Variants in LRRC4C observed in about 807,000 individuals in gnomAD.
LRRC4C encodes the protein leucine rich repeat containing 4C, also known as leucine-rich repeat-containing protein 4C.
LRRC4C carries 5 observed loss-of-function variants against 33.6 expected under a neutral mutation model. The ratio of observed to expected loss-of-function variants is 0.15; its 90% CI spans 0.08 to 0.31. The LOEUF (loss-of-function observed/expected upper bound fraction) is 0.31. Ranked by LOEUF, LRRC4C falls within the 10% of genes least tolerant of loss-of-function variation. LRRC4C has a pLI of 1.00. For synonymous variants in LRRC4C, 329 were observed against 302.0 expected, an observed-to-expected ratio of 1.09 and a Z score of -0.93; for missense variants, 560 against 796.7, an observed-to-expected ratio of 0.70 and a Z score of 3.58.
chr11:41,178,874 T>G (rs947421949), intron 1 of LRRC4C, among the ~76,000 whole-genome samples: 6 of 152,156 alleles, frequency 3.9e-5, no homozygotes, highest in African/African-American at 1.4e-4. Context: ...AGCTAATTTT[T>G]GCATTTTTAG....
intron 2 of LRRC4C, among the ~76,000 whole-genome samples, chr11:40,668,412 C>T (rs928558232): frequency 6.6e-6 from 1 of 152,126 alleles, no homozygotes; most frequent in Non-Finnish European, 1.5e-5. Flanking sequence ...GAAACACACA[C>T]ACATAAAAAA....
rs372881161 is a variant in LRRC4C, at chr11:41,015,990, A to ACTCCGT, written c.-495-82273_-495-82268dup. 4.8e-3 allele frequency among the ~76,000 whole-genome samples: 734 copies of ACTCCGT among 152,222 alleles called. 6 individuals are homozygous for ACTCCGT. Among genetic ancestry groups the ACTCCGT allele is most frequent in the African/African-American group, 0.017 (703 of 41,552 alleles). ...GGGCGAGCTGCAGAGCGAGACTCCG[A>ACTCCGT]CTCCGTCTCAAAAAACAACAACAAC... On this transcript the variant is annotated intron_variant, in intron 1 of 6. Coordinates refer to ENST00000528697, the MANE Select transcript of LRRC4C (RefSeq NM_001258419.2).
chr11:40,548,059 C>T (rs1280722353), intron 3 of LRRC4C, among the ~76,000 whole-genome samples: 1 of 151,944 alleles, frequency 6.6e-6, no homozygotes, highest in Non-Finnish European at 1.5e-5. Context: ...ATGCTATTGA[C>T]TGGATCAAAG....
intron 1 of LRRC4C, among the ~76,000 whole-genome samples, chr11:40,944,089 G>A (rs1356954197): frequency 6.6e-6 from 1 of 152,030 alleles, no homozygotes; most frequent in Non-Finnish European, 1.5e-5. Flanking sequence ...AGAAATGTTA[G>A]CTCCCCTTGG....
At chr11:41,084,254 G>C (rs12222079) in intron 1 of LRRC4C, among the ~76,000 whole-genome samples, 10,589 of 152,186 alleles carry the variant, frequency 0.07, 558 homozygotes, top group East Asian at 0.21. Flanking sequence ...TTTGGAGTAA[G>C]AGAGAGCTGG....
At chr11:41,231,827 A>G (rs1434066816) in intron 1 of LRRC4C, among the ~76,000 whole-genome samples, 2 of 151,888 alleles carry the variant, frequency 1.3e-5, no homozygotes, top group Admixed American at 6.6e-5. Flanking sequence ...ATACACATAT[A>G]TGTATATATA....
chr11:40,741,252 A>G (rs979191909), intron 2 of LRRC4C, among the ~76,000 whole-genome samples: 2 of 152,026 alleles, frequency 1.3e-5, no homozygotes, highest in Non-Finnish European at 2.9e-5. Context: ...ACATTTGGGG[A>G]ACTGATTAGT....
chr11:40,130,546 GTTCCCCAGT>G (rs928934179), intron 6 of LRRC4C, among the ~76,000 whole-genome samples: 2 of 152,062 alleles, frequency 1.3e-5, no homozygotes, highest in Non-Finnish European at 2.9e-5. Flanking sequence ...CCCATCAATA[GTTCCCCAGT>G]GCCTACAGAA....
chr11:41,232,338 C>T (rs1189156676), intron 1 of LRRC4C, among the ~76,000 whole-genome samples: 1 of 152,004 alleles, frequency 6.6e-6, no homozygotes, highest in Non-Finnish European at 1.5e-5. Flanking sequence ...GTTGTCTGAG[C>T]TGTACTGTGT....
chr11:40,634,794 C>T (rs956166740), intron 3 of LRRC4C, among the ~76,000 whole-genome samples: 4 of 151,544 alleles, frequency 2.6e-5, no homozygotes, highest in East Asian at 1.9e-4. Context: ...AGGCAGGTGG[C>T]GGGGGGTGTT....
intron 3 of LRRC4C, among the ~76,000 whole-genome samples, chr11:40,510,211 TTA>T (rs149378870): frequency 0.026 from 3,896 of 148,390 alleles, 162 homozygotes; most frequent in African/African-American, 0.086. Context: ...CTATATGTAT[TTA>T]TATATATATA....
At chr11:40,308,152 C>T (rs186693769) in intron 4 of LRRC4C, among the ~76,000 whole-genome samples, 2 of 152,024 alleles carry the variant, frequency 1.3e-5, no homozygotes, top group African/African-American at 2.4e-5. Context: ...AACCTTTTTT[C>T]CCCCCATCTC....
At chr11:40,790,613 C>A (rs1950586022) in intron 2 of LRRC4C, among the ~76,000 whole-genome samples, 1 of 152,196 alleles carries the variant, frequency 6.6e-6, no homozygotes, top group African/African-American at 2.4e-5. Flanking sequence ...CCATTTCAAA[C>A]AGAAGCATAG....
chr11:40,783,439 G>T lies in LRRC4C; in HGVS notation c.-406-135161C>A, dbSNP rs144728844. Among the ~76,000 whole-genome samples the T allele has an allele frequency of 4.3e-3, 651 of 151,992 alleles. 4 individuals carry two copies. The highest frequency in any genetic ancestry group is 0.015 in the African/African-American group (618 of 41,452). On this transcript the variant is annotated intron_variant, in intron 2 of 6. Coordinates refer to ENST00000528697, the MANE Select transcript of LRRC4C (RefSeq NM_001258419.2). ...GCATCCCGAGTAGCTGGGACTACAG[G>T]CATGCACTACCACTGCCAGCTATTT... is the stretch of plus-strand genomic sequence containing the variant.
At chr11:40,539,683 A>G (rs1470318233) in intron 3 of LRRC4C, among the ~76,000 whole-genome samples, 1 of 152,176 alleles carries the variant, frequency 6.6e-6, no homozygotes. Flanking sequence ...GAATGTCAAG[A>G]TAGATGAAGA....
chr11:40,644,947 T>TG lies in LRRC4C; in HGVS notation c.-270+3194_-270+3195insC, dbSNP rs1313659850. Among the ~76,000 whole-genome samples the TG allele has an allele frequency of 6.2e-5, 6 of 96,870 alleles. No individual in the cohort carries two copies. The East Asian group carries it at 1.5e-3, about 24-fold the overall frequency. 63.6% of individuals were successfully genotyped at this position (96,870 alleles called of 152,430 possible). On this transcript the variant is annotated intron_variant, in intron 3 of 6. Coordinates refer to ENST00000528697, the MANE Select transcript of LRRC4C (RefSeq NM_001258419.2). ...GGAACAGGCACTCGGGATCTCTGTG[T>TG]TTTTTTTTTTTACAACTACATGTGA... is the stretch of plus-strand genomic sequence containing the variant.
chr11:40,498,753 C>T (rs1954596463), intron 3 of LRRC4C, among the ~76,000 whole-genome samples: 1 of 152,124 alleles, frequency 6.6e-6, no homozygotes, highest in African/African-American at 2.4e-5. Context: ...TTAAGTCCCT[C>T]AGGAATGTTT....
intron 2 of LRRC4C, among the ~76,000 whole-genome samples, chr11:40,802,450 C>T (rs1459387612): frequency 6.7e-6 from 1 of 150,142 alleles, no homozygotes; most frequent in Admixed American, 6.6e-5. Flanking sequence ...CTGCTGAAAC[C>T]AGAGCATTTA....
chr11:40,281,223 A>C (rs754553574), intron 4 of LRRC4C, among the ~76,000 whole-genome samples: 12 of 151,420 alleles, frequency 7.9e-5, no homozygotes, highest in Non-Finnish European at 1.6e-4. Context: ...TGTAGATGTT[A>C]ACTCTTTTAG....
Sources: allele counts gnomAD v4.1 joint callset (sites outside exome capture counted in the v4.1 genomes callset), GRCh38; gene constraint gnomAD v4.1.1; transcripts MANE v1.5; gene names NCBI Gene and HGNC (gene_info 2026-07-23, HGNC 2026-07-21).